Variants in GRIN3A observed in about 807,000 individuals in gnomAD.
GRIN3A encodes glutamate ionotropic receptor NMDA type subunit 3A.
In GRIN3A, 47 loss-of-function variants were observed where a neutral mutation model predicts 92.4. That is an observed-to-expected ratio of 0.51 (90% CI 0.40 to 0.65). GRIN3A has a LOEUF of 0.65. GRIN3A is among the 30% of genes least tolerant of loss of function. The pLI is 0.00. For missense variants in GRIN3A, 1,324 were observed against 1,393.1 expected (o/e 0.95, Z 0.79); for synonymous variants, 527 against 540.6 (o/e 0.97, Z 0.35).
At chr9:101,679,998 G>A (rs948878922) in intron 2 of GRIN3A, among the ~76,000 whole-genome samples, 3 of 152,130 alleles carry the variant, frequency 2.0e-5, no homozygotes, top group African/African-American at 4.8e-5. Flanking sequence ...TCCCAATTAA[G>A]GAAGGCTTAT....
intron 3 of GRIN3A, among the ~76,000 whole-genome samples, chr9:101,630,386 T>C (rs949786567): frequency 5.9e-5 from 9 of 152,216 alleles, no homozygotes; most frequent in Admixed American, 5.9e-4. Flanking sequence ...ATATAAAATA[T>C]GTAGGCAAAT....
intron 1 of GRIN3A, among the ~76,000 whole-genome samples, chr9:101,731,175 T>C (rs1411218638): frequency 2.6e-5 from 4 of 152,168 alleles, no homozygotes; most frequent in Non-Finnish European, 4.4e-5. Context: ...TACTTCTCTC[T>C]TTTATGCCTT....
chr9:101,610,628 C>A (rs1828352771), intron 6 of GRIN3A, among the ~76,000 whole-genome samples: 3 of 127,800 alleles, frequency 2.3e-5, no homozygotes. Context: ...TATCTATCAT[C>A]TATCTATCTA....
At chr9:101,691,562 C>G (rs1468408316) in intron 1 of GRIN3A, among the ~76,000 whole-genome samples, 1 of 152,080 alleles carries the variant, frequency 6.6e-6, no homozygotes, top group East Asian at 1.9e-4. Context: ...TAAAAGTAAA[C>G]ACATTTAACT....
intron 3 of GRIN3A, among the ~76,000 whole-genome samples, chr9:101,637,863 A>G (rs1828805370): frequency 6.6e-6 from 1 of 152,186 alleles, no homozygotes; most frequent in South Asian, 2.1e-4. Context: ...AATAAGTGTG[A>G]AGAAGGGACT....
chr9:101,670,527 C>A lies in GRIN3A; in HGVS notation c.1885G>T (p.Val629Phe). 6.2e-7 allele frequency: 1 copy of A among 1,614,030 alleles called. No individual in the cohort carries two copies. The highest frequency in any genetic ancestry group is 1.1e-5 in the South Asian group (1 of 91,076). ...GCAGTATTGATGCTAAAGGAAGTGA[C>A]TGCCATGTGGGCAGTCCCTCTCAGG... ...DLLRGTAHMA[V>F]TSFSINTARS... Residue 629 changes from valine to phenylalanine, a missense_variant, in exon 3 of 9, where the codon GTC becomes TTC. Transcript: ENST00000361820.
intron 3 of GRIN3A, among the ~76,000 whole-genome samples, chr9:101,642,396 AG>A (rs1487788903): frequency 6.6e-6 from 1 of 152,216 alleles, no homozygotes; most frequent in Admixed American, 6.5e-5. Context: ...ACAGAGGAAA[AG>A]ATCATTGACA....
At chr9:101,647,163 T>C (rs747821487) in intron 3 of GRIN3A, among the ~76,000 whole-genome samples, 4 of 151,946 alleles carry the variant, frequency 2.6e-5, no homozygotes, top group Admixed American at 6.6e-5. Context: ...TTTTAAGGCA[T>C]GTTCATGCTA....
chr9:101,685,021 G>T (rs764535984), intron 2 of GRIN3A, among the ~76,000 whole-genome samples: 43 of 152,114 alleles, frequency 2.8e-4, no homozygotes, highest in Admixed American at 1.2e-3. Flanking sequence ...AATAAAATAT[G>T]CATGGATTTT....
chr9:101,580,056 C>A (rs979106895), intron 6 of GRIN3A, among the ~76,000 whole-genome samples: 2 of 152,164 alleles, frequency 1.3e-5, no homozygotes, highest in Admixed American at 6.5e-5. Flanking sequence ...TGAACATGGG[C>A]CCAGGAAGAG....
At chr9:101,715,036 C>T (rs529318963) in intron 1 of GRIN3A, among the ~76,000 whole-genome samples, 1 of 151,892 alleles carries the variant, frequency 6.6e-6, no homozygotes, top group East Asian at 1.9e-4. Flanking sequence ...GGCTGGAATA[C>T]ATAAGGATGT....
At chr9:101,705,877 T>C (rs1034328931) in intron 1 of GRIN3A, among the ~76,000 whole-genome samples, 5 of 152,296 alleles carry the variant, frequency 3.3e-5, no homozygotes, top group African/African-American at 1.2e-4. Context: ...AGTTGCTCCA[T>C]TGTGCAGAGG....
chr9:101,584,185 C>T (rs1827922363), intron 6 of GRIN3A, among the ~76,000 whole-genome samples: 1 of 152,166 alleles, frequency 6.6e-6, no homozygotes, highest in Non-Finnish European at 1.5e-5. Context: ...AAATCTCAGG[C>T]ATTTATTGCT....
intron 6 of GRIN3A, chr9:101,591,785 G>A (rs987312806): frequency 2.0e-5 from 3 of 152,144 alleles, no homozygotes; most frequent in African/African-American, 7.2e-5. Context: ...TCCAGATACA[G>A]GCTCTCAGTT....
chr9:101,637,464 T>C (rs984614955), intron 3 of GRIN3A, among the ~76,000 whole-genome samples: 5 of 152,192 alleles, frequency 3.3e-5, no homozygotes, highest in Admixed American at 1.3e-4. Flanking sequence ...ATATGGAGCA[T>C]GGGCTAGAGA....
At chr9:101,588,182 G>A (rs114870059) in intron 6 of GRIN3A, among the ~76,000 whole-genome samples, 4 of 152,120 alleles carry the variant, frequency 2.6e-5, no homozygotes, top group Non-Finnish European at 5.9e-5. Flanking sequence ...TATTTAACAA[G>A]AATCATGAAG....
chr9:101,607,453 A>G (rs1828301814), intron 6 of GRIN3A, among the ~76,000 whole-genome samples: 1 of 152,200 alleles, frequency 6.6e-6, no homozygotes, highest in Admixed American at 6.5e-5. Context: ...AAGTAAACCG[A>G]AAAATGGAAT....
intron 1 of GRIN3A, among the ~76,000 whole-genome samples, chr9:101,713,412 A>C (rs1190505861): frequency 6.6e-6 from 1 of 152,224 alleles, no homozygotes; most frequent in Non-Finnish European, 1.5e-5. Flanking sequence ...AATTTGTTAC[A>C]TACACAAGCT....
At chr9:101,704,782 G>A (rs2417291) in intron 1 of GRIN3A, among the ~76,000 whole-genome samples, 24,559 of 152,132 alleles carry the variant, frequency 0.16, 2,430 homozygotes, top group Non-Finnish European at 0.22. Context: ...TAGGTGTATT[G>A]AATGCATTTT....
Sources: allele counts gnomAD v4.1 joint callset (sites outside exome capture counted in the v4.1 genomes callset), GRCh38; gene constraint gnomAD v4.1.1; transcripts MANE v1.5; gene names NCBI Gene and HGNC (gene_info 2026-07-23, HGNC 2026-07-21).